ARID4B: variants seen among roughly 807,000 people sequenced by gnomAD.
The protein encoded by ARID4B is AT-rich interactive domain-containing protein 4B.
A neutral mutation model predicts 147.5 loss-of-function variants in ARID4B; 26 were observed. The ratio of observed to expected loss-of-function variants is 0.18; its 90% CI spans 0.13 to 0.24. ARID4B has a LOEUF of 0.24. Ranked by LOEUF, ARID4B falls within the 10% of genes least tolerant of loss-of-function variation. The pLI is 1.00. For missense variants in ARID4B, 1,179 were observed against 1,511.5 expected (o/e 0.78, Z 3.65); for synonymous variants, 512 against 507.9 (o/e 1.01, Z -0.11).
intron 2 of ARID4B, among the ~76,000 whole-genome samples, chr1:235,306,604 T>C (rs371667768): frequency 1.3e-5 from 2 of 152,184 alleles, no homozygotes; most frequent in African/African-American, 4.8e-5. Context: ...AGCATCTGCT[T>C]AACATTCCAA....
rs776509591 is a variant in ARID4B, at chr1:235,182,245, T to G, written c.2674A>C (p.Thr892Pro). Residue 892 changes from threonine to proline, a missense_variant, in exon 20 of 24, where the codon ACT (threonine) becomes CCT (proline). Thr to Pro is a conservative substitution (Grantham distance 38). This residue lies in a region of ARID4B where 321 missense variants were observed against 342.4 expected (regional missense o/e 0.94). Coordinates refer to ENST00000264183, the MANE Select transcript of ARID4B (RefSeq NM_016374.6). Reference protein sequence around the residue: ...LEEKRKSLRTTGFYSGFSEVA... With the variant: ...LEEKRKSLRTPGFYSGFSEVA... The stretch of plus-strand genomic sequence containing the variant: ...TCTGAAAATCCTGAATAGAAACCAG[T>G]TGTCCGTAGAGATTTTCTTTTTTCC... The G allele has an allele frequency of 3.1e-6, 5 of 1,613,026 alleles. No individual in the cohort carries two copies. The highest frequency in any genetic ancestry group is 2.2e-5 in the South Asian group (2 of 90,742).
In ARID4B at chr1:235,280,209, C is replaced by T. The variant is rs1671579246; in HGVS notation, c.7-19457G>A. On this transcript the variant is annotated intron_variant, in intron 2 of 23. Coordinates refer to ENST00000264183, the MANE Select transcript of ARID4B (RefSeq NM_016374.6). ...AACATTTGTATTACTCTTACTCCAC[C>T]CATTAATAAAATAAAACATTTTAAT... is the stretch of plus-strand genomic sequence containing the variant. Among the ~76,000 whole-genome samples the T allele has an allele frequency of 2.0e-5, 3 of 150,526 alleles. No homozygotes were observed. In the South Asian group the frequency reaches 6.6e-4, roughly 33 times the overall value.
chr1:235,230,922 A>G (rs930605597), intron 10 of ARID4B, among the ~76,000 whole-genome samples, 191 bp downstream of exon 10: 1 of 151,928 alleles, frequency 6.6e-6, no homozygotes, highest in Admixed American at 6.6e-5. Context: ...TGTCTCCAAA[A>G]AAAAAAAAGA....
intron 8 of ARID4B, among the ~76,000 whole-genome samples, chr1:235,236,854 A>ATTTTT (rs1454250770): frequency 2.6e-5 from 1 of 38,010 alleles, no homozygotes; most frequent in East Asian, 1.7e-3. Flanking sequence ...ATATATATAT[A>ATTTTT]TATATATATT....
In ARID4B at chr1:235,219,951, T is replaced by C. The variant is rs536784407; in HGVS notation, c.1425A>G (p.Leu475=). The C allele has an allele frequency of 5.8e-6, 9 of 1,546,976 alleles. No individual in the cohort carries two copies. In the African/African-American group the frequency reaches 7.0e-5, roughly 12 times the overall value. The change falls in exon 16 of 24, where the codon TTA becomes TTG. Residue 475 remains leucine (L), a synonymous_variant. Coordinates refer to ENST00000264183, the MANE Select transcript of ARID4B (RefSeq NM_016374.6). Reference sequence around the variant, plus strand: ...CAGAATGTGTAGGTATAGATTCTAATAAATTCTTTTTACTTCCCTAGAAAA... The same window carrying C: ...CAGAATGTGTAGGTATAGATTCTAACAAATTCTTTTTACTTCCCTAGAAAA... The part of the protein sequence containing the change: ...IKPSLGSKKN[L]LESIPTHSDQ...
At chr1:235,188,691 T>C (rs138355574) in intron 19 of ARID4B, among the ~76,000 whole-genome samples, 2 of 152,222 alleles carry the variant, frequency 1.3e-5, no homozygotes, top group East Asian at 3.9e-4. Flanking sequence ...AACCATTCTC[T>C]TACCACCCTC....
intron 23 of ARID4B, among the ~76,000 whole-genome samples, chr1:235,172,305 C>A (rs2102893857): frequency 6.6e-6 from 1 of 152,260 alleles, no homozygotes; most frequent in South Asian, 2.1e-4. Flanking sequence ...GCAGGGCACT[C>A]TTGGCTCACG....
rs1355062269 is a variant in ARID4B at position 235,260,848 on chromosome 1, C to G, written c.7-96G>C. The stretch of plus-strand genomic sequence containing the variant: ...TGAGCCTAATCTTGTTAAGCTACAA[C>G]AGTTATAAATATGAAATGTATGTTA... On this transcript the variant is annotated intron_variant, in intron 2 of 23. Transcript: ENST00000264183. 14 of 781,452 alleles carry G rather than the reference C, an allele frequency of 1.8e-5. No individual in the cohort carries two copies. In the Admixed American group the frequency reaches 3.9e-4, roughly 22 times the overall value. The allele number at this position is 781,452 out of a possible 1,614,324, so 48.4% of individuals were successfully genotyped here.
intron 6 of ARID4B, among the ~76,000 whole-genome samples, chr1:235,249,275 G>A (rs1412397825): frequency 1.3e-5 from 2 of 152,136 alleles, no homozygotes; most frequent in African/African-American, 2.4e-5. Context: ...AGAGGTTACA[G>A]TAAGCCAAGA....
Position 235,221,631 on chromosome 1 carries a change from T to C in ARID4B, c.1097A>G (p.Tyr366Cys), listed in dbSNP as rs1235115554. 6.2e-7 allele frequency: 1 copy of C among 1,611,226 alleles called. No homozygotes were observed. The highest frequency in any genetic ancestry group is 8.5e-7 in the Non-Finnish European group (1 of 1,178,202). The change falls in exon 14 of 24, where the codon TAC becomes TGC. Residue 366 changes from tyrosine to cysteine, a missense_variant. By Grantham distance (194) the Tyr-to-Cys change is radical (BLOSUM62 -2). Around this residue, in one of 10 missense-constraint regions of ARID4B, gnomAD observed 26 missense variants for 77.9 expected, o/e 0.33. Transcript: ENST00000264183. Reference sequence around the variant, plus strand: ...TAAGACAGGGATTCCAAGATCTTGGTAGACTTGTTTCCAAACAGCTCCACT... The same window carrying C: ...TAAGACAGGGATTCCAAGATCTTGGCAGACTTGTTTCCAAACAGCTCCACT... ...IESGAVWKQV[Y>C]QDLGIPVLNS...
At chr1:235,300,016 C>T (rs1368312019) in intron 2 of ARID4B, among the ~76,000 whole-genome samples, 1 of 152,132 alleles carries the variant, frequency 6.6e-6, no homozygotes, top group Non-Finnish European at 1.5e-5. Context: ...TTACTCTACC[C>T]TCGCTCCCCC....
chr1:235,285,386 T>C (rs1011772240), intron 2 of ARID4B, among the ~76,000 whole-genome samples: 4 of 152,106 alleles, frequency 2.6e-5, no homozygotes, highest in Non-Finnish European at 5.9e-5. Flanking sequence ...ATCCAGAAAA[T>C]GCATTTTATT....
intron 9 of ARID4B, among the ~76,000 whole-genome samples, chr1:235,233,865 G>T (rs1269443340): frequency 6.6e-6 from 1 of 152,210 alleles, no homozygotes; most frequent in African/African-American, 2.4e-5. Context: ...CAGATCACGA[G>T]ATCAGGAGTT....
chr1:235,326,250 T>C (rs1380737306), intron 2 of ARID4B, among the ~76,000 whole-genome samples: 1 of 152,178 alleles, frequency 6.6e-6, no homozygotes, highest in Admixed American at 6.5e-5. Flanking sequence ...AGCAAATTTT[T>C]TGACCCTATT....
intron 2 of ARID4B, among the ~76,000 whole-genome samples, chr1:235,273,770 C>T (rs891317550): frequency 6.6e-5 from 10 of 152,154 alleles, no homozygotes; most frequent in African/African-American, 2.4e-4. Context: ...ACACTCAAAA[C>T]ACAAATATGG....
At chr1:235,286,999 C>T (rs1370284497) in intron 2 of ARID4B, among the ~76,000 whole-genome samples, 1 of 152,196 alleles carries the variant, frequency 6.6e-6, no homozygotes, top group East Asian at 1.9e-4. Flanking sequence ...GTGGCTCACG[C>T]CTGTAATCCC....
intron 8 of ARID4B, among the ~76,000 whole-genome samples, chr1:235,236,833 A>AAAAAAATATATATATATATATATAT (rs1175189621): frequency 6.0e-5 from 2 of 33,520 alleles, no homozygotes; most frequent in East Asian, 1.5e-3. Context: ...TTTTATAAAA[A>AAAAAAATATATATATATATATATAT]ATATATATAT....
At chr1:235,207,090 A>C (rs1041304092) in intron 17 of ARID4B, among the ~76,000 whole-genome samples, 3 of 152,248 alleles carry the variant, frequency 2.0e-5, no homozygotes, top group Non-Finnish European at 4.4e-5. Context: ...GAAAACACAG[A>C]GAATGTGGCA....
chr1:235,306,282 T>C (rs1673553297), intron 2 of ARID4B, among the ~76,000 whole-genome samples: 1 of 152,074 alleles, frequency 6.6e-6, no homozygotes, highest in Admixed American at 6.5e-5. Flanking sequence ...GACAGGCAGA[T>C]CACAAGGTCA....
Sources: gnomAD v4.1 joint callset for allele counts (sites outside exome capture counted in the v4.1 genomes callset) on GRCh38, gnomAD v4.1.1 for gene constraint, gnomAD v4.1.1 regional missense constraint, MANE v1.5 for transcripts, NCBI Gene and HGNC (gene_info 2026-07-23, HGNC 2026-07-21) for gene names.